Variants in TCF7L2 observed in about 807,000 individuals in gnomAD.
The protein encoded by TCF7L2 is transcription factor 7 like 2.
TCF7L2 carries 23 observed loss-of-function variants against 77.9 expected under a neutral mutation model. That is an observed-to-expected ratio of 0.30 (90% confidence interval 0.21 to 0.42). The LOEUF (loss-of-function observed/expected upper bound fraction) is 0.42. Among genes scored for constraint, TCF7L2 ranks in the 10% least tolerant of loss-of-function variants. The pLI, the probability that TCF7L2 is intolerant of heterozygous loss-of-function variation, is 1.00. For missense variants in TCF7L2, 654 were observed against 793.1 expected (o/e 0.82, Z 2.11); for synonymous variants, 413 against 340.2 (o/e 1.21, Z -2.36).
chr10:113,039,343 T>C (rs1019098636), intron 4 of TCF7L2, among the ~76,000 whole-genome samples: 7 of 152,210 alleles, frequency 4.6e-5, no homozygotes, highest in African/African-American at 1.7e-4. Flanking sequence ...ATGTACACCT[T>C]TATTTTTATC....
chr10:113,090,860 G>T (rs1015736641), intron 5 of TCF7L2, among the ~76,000 whole-genome samples: 1 of 151,966 alleles, frequency 6.6e-6, no homozygotes, highest in Non-Finnish European at 1.5e-5. Context: ...CGCCCGCCTC[G>T]GCCTCCCAAA....
At chr10:113,145,963 A>G in intron 7 of TCF7L2, 48 bp from the exon 8 acceptor site, 2 of 479,070 alleles carry the variant, frequency 4.2e-6, no homozygotes, top group Non-Finnish European at 7.1e-6. Flanking sequence ...TCTTGTCCCC[A>G]CCCCCACCCT....
intron 4 of TCF7L2, among the ~76,000 whole-genome samples, chr10:112,979,088 TG>T (rs1272143611): frequency 3.9e-5 from 6 of 152,182 alleles, no homozygotes; most frequent in African/African-American, 1.2e-4. Context: ...GAGTTGGTAT[TG>T]TTTTTTTTCT....
chr10:113,052,409 G>C (rs1474246272), intron 5 of TCF7L2, among the ~76,000 whole-genome samples: 1 of 152,162 alleles, frequency 6.6e-6, no homozygotes, highest in Non-Finnish European at 1.5e-5. Context: ...CAAGCTTTTG[G>C]GAAAGTGTCA....
chr10:113,161,464 A>G lies in TCF7L2; in HGVS notation c.1391+773A>G, dbSNP rs973856616. On this transcript the variant is annotated intron_variant, in intron 13 of 13. Transcript: ENST00000627217. Reference sequence around the variant, plus strand: ...CTCCATCCAGCCTGCATTCTCAGGGAAAGTGTAGGTACTTCCTTCTTGGTG... The same window carrying G: ...CTCCATCCAGCCTGCATTCTCAGGGGAAGTGTAGGTACTTCCTTCTTGGTG... The G allele has an allele frequency of 1.6e-5, 18 of 1,149,626 alleles. No individual in the cohort carries two copies. The African/African-American group carries it at 2.8e-4, about 18-fold the overall frequency. 71.2% of individuals were successfully genotyped at this position (1,149,626 alleles called of 1,614,324 possible). A position where few individuals can be genotyped will look rare whatever the true frequency, so the allele number is the denominator to read the frequency against.
At chr10:113,043,615 C>G (rs1003126250) in intron 5 of TCF7L2, among the ~76,000 whole-genome samples, 4 of 152,052 alleles carry the variant, frequency 2.6e-5, no homozygotes, top group African/African-American at 9.7e-5. Flanking sequence ...CCCCATACTC[C>G]CCAACAAATT....
At chr10:113,063,102 T>A (rs1290591314) in intron 5 of TCF7L2, among the ~76,000 whole-genome samples, 1 of 152,152 alleles carries the variant, frequency 6.6e-6, no homozygotes, top group African/African-American at 2.4e-5. Context: ...GTACAGTGTT[T>A]TTGTTGTGAA....
intron 13 of TCF7L2, among the ~76,000 whole-genome samples, chr10:113,163,048 A>T (rs1362717479): frequency 1.3e-5 from 2 of 151,498 alleles, no homozygotes; most frequent in Non-Finnish European, 2.9e-5. Flanking sequence ...AGCAGTTGCC[A>T]ACCGAGGCAT....
chr10:113,119,904 C>T (rs1048040622), intron 5 of TCF7L2, among the ~76,000 whole-genome samples: 2 of 152,166 alleles, frequency 1.3e-5, no homozygotes, highest in Non-Finnish European at 2.9e-5. Context: ...TCTCTACCAG[C>T]GCTTGGCCTC....
chr10:113,015,738 C>T (rs1416574595), intron 4 of TCF7L2, among the ~76,000 whole-genome samples: 1 of 152,164 alleles, frequency 6.6e-6, no homozygotes, highest in Non-Finnish European at 1.5e-5. Context: ...AGGTTCACAC[C>T]TTGGCCTCTC....
chr10:112,953,325 A>C (rs934753582), intron 3 of TCF7L2, among the ~76,000 whole-genome samples: 1 of 152,122 alleles, frequency 6.6e-6, no homozygotes, highest in African/African-American at 2.4e-5. Flanking sequence ...CTCCAGGGCC[A>C]GTTCCACCAG....
chr10:113,145,041 A>G (rs138225809), intron 7 of TCF7L2, among the ~76,000 whole-genome samples: 72 of 152,180 alleles, frequency 4.7e-4, no homozygotes, highest in Admixed American at 2.0e-3. Flanking sequence ...CAAAGCCTTA[A>G]GGAAGATAAA....
chr10:113,129,911 G>T (rs757167956), intron 5 of TCF7L2: 2 of 1,293,968 alleles, frequency 1.5e-6, no homozygotes, highest in East Asian at 1.1e-4. Context: ...GATTTGAGTG[G>T]TAAGGGAGGC....
At chr10:113,159,474 A>G (rs368603466) in intron 12 of TCF7L2, among the ~76,000 whole-genome samples, 1 of 152,138 alleles carries the variant, frequency 6.6e-6, no homozygotes, top group African/African-American at 2.4e-5. Context: ...TCTGAGAAGA[A>G]AAAAGCATGT....
chr10:113,051,275 T>C (rs2054434653), intron 5 of TCF7L2, among the ~76,000 whole-genome samples: 2 of 148,434 alleles, frequency 1.3e-5, no homozygotes, highest in Admixed American at 1.3e-4. Context: ...CCCGACTCAA[T>C]GGAGGACCCT....
In TCF7L2 at chr10:113,151,242, T is replaced by A; in HGVS notation, c.1001+119T>A. ...CCTCGTTTGGTTTGACTGCAGCCAA[T>A]ACCCAGCCTGTGTGGGCTCTTCACT... On this transcript the variant is annotated intron_variant, in intron 9 of 13. Transcript: ENST00000627217. This position sits in a 1 kb window ranked among gnomAD's most constrained non-coding sequence, Gnocchi z 5.2. 1 of 1,372,668 alleles carries A rather than the reference T, an allele frequency of 7.3e-7. No homozygotes were observed. The highest frequency in any genetic ancestry group is 1.0e-6 in the Non-Finnish European group (1 of 988,352). 85.0% of individuals were successfully genotyped at this position (1,372,668 alleles called of 1,614,324 possible).
intron 11 of TCF7L2, among the ~76,000 whole-genome samples, chr10:113,157,554 C>G (rs1441748766): frequency 6.6e-6 from 1 of 152,194 alleles, no homozygotes; most frequent in African/African-American, 2.4e-5. Flanking sequence ...GACCCTTTGG[C>G]CTTCATAAGT....
chr10:113,150,331 T>G (rs2070468809), intron 8 of TCF7L2, among the ~76,000 whole-genome samples: 3 of 151,966 alleles, frequency 2.0e-5, no homozygotes, highest in South Asian at 4.2e-4. Context: ...TTTTTTTTTT[T>G]GCATCTTTCC....
intron 4 of TCF7L2, among the ~76,000 whole-genome samples, chr10:112,995,384 G>T (rs2043283777): frequency 6.6e-6 from 1 of 152,202 alleles, no homozygotes; most frequent in Non-Finnish European, 1.5e-5. Context: ...TCGTTGCTTG[G>T]TTGTTGTTTC....
Sources: gnomAD v4.1 joint callset for allele counts (sites outside exome capture counted in the v4.1 genomes callset) on GRCh38, gnomAD v4.1.1 for gene constraint, Gnocchi (gnomAD v3.1) non-coding constraint, MANE v1.5 for transcripts, NCBI Gene and HGNC (gene_info 2026-07-23, HGNC 2026-07-21) for gene names.